Variants in CPQ observed in about 807,000 individuals in gnomAD.
CPQ encodes carboxypeptidase Q.
CPQ carries 37 observed loss-of-function variants against 45.7 expected under a neutral mutation model. The ratio of observed to expected loss-of-function variants is 0.81; its 90% confidence interval spans 0.62 to 1.07. The LOEUF is 1.07. Among genes scored for constraint, CPQ ranks in the 50% least tolerant of loss-of-function variants. The pLI, the probability that CPQ is intolerant of heterozygous loss-of-function variation, is 0.00. For synonymous variants in CPQ, 186 were observed against 205.8 expected, an observed-to-expected ratio of 0.90 and a Z score of 0.82; for missense variants, 537 against 572.9, an observed-to-expected ratio of 0.94 and a Z score of 0.64.
intron 5 of CPQ, among the ~76,000 whole-genome samples, chr8:96,994,645 A>G (rs1166312682): frequency 6.6e-6 from 1 of 151,984 alleles, no homozygotes; most frequent in East Asian, 1.9e-4. Flanking sequence ...ATGGTGTCAA[A>G]TTGCCAAAAA....
chr8:96,691,008 G>C (rs1434919422), intron 1 of CPQ, among the ~76,000 whole-genome samples: 1 of 145,202 alleles, frequency 6.9e-6, no homozygotes, highest in African/African-American at 2.9e-5. Flanking sequence ...AGACATCTTT[G>C]GAAGAATAAA....
chr8:97,042,957 A>G (rs1403299601), intron 6 of CPQ, among the ~76,000 whole-genome samples: 1 of 152,012 alleles, frequency 6.6e-6, no homozygotes, highest in Non-Finnish European at 1.5e-5. Context: ...AAAAATGTAT[A>G]TTCTGTTGAT....
intron 3 of CPQ, among the ~76,000 whole-genome samples, chr8:96,870,707 T>C (rs986980149): frequency 1.3e-5 from 2 of 152,048 alleles, no homozygotes; most frequent in African/African-American, 4.8e-5. Context: ...CACAGCACAC[T>C]GGCAGGCACA....
intron 2 of CPQ, among the ~76,000 whole-genome samples, chr8:96,831,818 C>T (rs1039425889): frequency 5.3e-5 from 8 of 152,072 alleles, no homozygotes; most frequent in Non-Finnish European, 1.0e-4. Context: ...TTGTCCTATG[C>T]AATGGCCTGA....
chr8:96,708,184 C>T (rs1418313107), intron 1 of CPQ, among the ~76,000 whole-genome samples: 1 of 152,014 alleles, frequency 6.6e-6, no homozygotes, highest in East Asian at 1.9e-4. Context: ...CTTCTTCTGC[C>T]TCTCCCTTAC....
Position 96,724,375 on chromosome 8 carries a change from TC to T in CPQ, c.-34-60485del, listed in dbSNP as rs560952000. Among the ~76,000 whole-genome samples, 281 of 152,222 alleles carry T rather than the reference TC, an allele frequency of 1.8e-3. 2 individuals carry two copies. The highest frequency in any genetic ancestry group is 6.3e-3 in the African/African-American group (262 of 41,552). ...TTCCAAAACTCATATTGAAATTTAA[TC>T]CCCAATGTGGTGGTATTTAGAGGTG... is the stretch of plus-strand genomic sequence containing the variant. On this transcript the variant is annotated intron_variant, in intron 1 of 7. Transcript: ENST00000220763.
intron 7 of CPQ, among the ~76,000 whole-genome samples, chr8:97,084,400 G>A (rs902992805): frequency 9.2e-5 from 14 of 151,914 alleles, no homozygotes; most frequent in Non-Finnish European, 1.5e-4. Context: ...TCTTTTTCTT[G>A]AGGGAATCAG....
At chr8:96,984,105 CCTTT>C (rs1813958569) in intron 5 of CPQ, among the ~76,000 whole-genome samples, 1 of 151,778 alleles carries the variant, frequency 6.6e-6, no homozygotes, top group Non-Finnish European at 1.5e-5. Context: ...TTATACATTC[CCTTT>C]CTTTTTTTTA....
intron 2 of CPQ, among the ~76,000 whole-genome samples, chr8:96,801,520 A>ATGTCATACATC (rs1280110723): frequency 6.6e-6 from 1 of 152,090 alleles, no homozygotes; most frequent in Non-Finnish European, 1.5e-5. Context: ...TTTGGTTTTT[A>ATGTCATACATC]TGTCATACAT....
At chr8:96,855,327 C>G (rs184000667) in intron 3 of CPQ, among the ~76,000 whole-genome samples, 1 of 152,094 alleles carries the variant, frequency 6.6e-6, no homozygotes, top group African/African-American at 2.4e-5. Context: ...CTTCCTGCAT[C>G]TAGACAACAG....
At chr8:97,101,941 T>TCC (rs1318060950) in intron 7 of CPQ, among the ~76,000 whole-genome samples, 6 of 138,792 alleles carry the variant, frequency 4.3e-5, no homozygotes, top group African/African-American at 8.6e-5. Context: ...TCTCTCTCTC[T>TCC]CCCTCCCTCC....
At chr8:96,890,050 G>A (rs932121415) in intron 4 of CPQ, among the ~76,000 whole-genome samples, 1 of 152,082 alleles carries the variant, frequency 6.6e-6, no homozygotes, top group Non-Finnish European at 1.5e-5. Context: ...TCCTGAAATC[G>A]TATATAATCT....
intron 7 of CPQ, among the ~76,000 whole-genome samples, chr8:97,122,936 T>G (rs1371527151): frequency 4.6e-5 from 2 of 43,644 alleles, no homozygotes; most frequent in African/African-American, 3.4e-4. Flanking sequence ...ATAAATAAAA[T>G]AAAATAAAAT....
At chr8:96,760,388 G>A (rs56019121) in intron 1 of CPQ, among the ~76,000 whole-genome samples, 78,762 of 151,994 alleles carry the variant, frequency 0.52, 22,005 homozygotes, top group East Asian at 0.86. Context: ...GTAAAGAAAC[G>A]TATGCAAGAT....
chr8:96,851,987 G>C (rs527731398), intron 3 of CPQ, among the ~76,000 whole-genome samples: 2 of 152,222 alleles, frequency 1.3e-5, no homozygotes, highest in African/African-American at 4.8e-5. Flanking sequence ...AAGGCAAAAG[G>C]CACAGGCAGT....
chr8:96,892,433 C>T (rs1305200809), intron 4 of CPQ, among the ~76,000 whole-genome samples: 3 of 152,116 alleles, frequency 2.0e-5, no homozygotes, highest in Non-Finnish European at 4.4e-5. Flanking sequence ...GCTGTTTAAA[C>T]TTTCATAAGC....
At chr8:96,804,341 G>A (rs576134174) in intron 2 of CPQ, among the ~76,000 whole-genome samples, 5 of 152,228 alleles carry the variant, frequency 3.3e-5, no homozygotes, top group Non-Finnish European at 7.4e-5. Context: ...GAGGGAGGTT[G>A]TTAGATGGTA....
intron 1 of CPQ, among the ~76,000 whole-genome samples, chr8:96,752,152 G>A (rs1810270734): frequency 6.6e-6 from 1 of 151,952 alleles, no homozygotes; most frequent in African/African-American, 2.4e-5. Flanking sequence ...AAAATTTTTT[G>A]TTCTAATTCT....
At chr8:96,722,413 C>A (rs1296261519) in intron 1 of CPQ, among the ~76,000 whole-genome samples, 2 of 151,702 alleles carry the variant, frequency 1.3e-5, no homozygotes, top group East Asian at 3.9e-4. Context: ...GAAATATAAC[C>A]ATACCAGTTT....
Sources: gnomAD v4.1 joint callset for allele counts (sites outside exome capture counted in the v4.1 genomes callset) on GRCh38, gnomAD v4.1.1 for gene constraint, MANE v1.5 for transcripts, NCBI Gene and HGNC (gene_info 2026-07-23, HGNC 2026-07-21) for gene names.